PRDM6: variants seen among roughly 807,000 people sequenced by gnomAD.
PRDM6 encodes the protein putative histone-lysine N-methyltransferase PRDM6.
A neutral mutation model predicts 60.8 loss-of-function variants in PRDM6; 25 were observed. The observed-to-expected ratio is 0.41, with a 90% confidence interval of 0.30 to 0.57. The LOEUF (loss-of-function observed/expected upper bound fraction) is 0.57. Ranked by LOEUF, PRDM6 falls within the 20% of genes least tolerant of loss-of-function variation. The pLI, the probability that PRDM6 is intolerant of heterozygous loss-of-function variation, is 0.27. For missense variants in PRDM6, 839 were observed against 821.3 expected (o/e 1.02, Z -0.26); for synonymous variants, 407 against 357.4 (o/e 1.14, Z -1.57).
intron 6 of PRDM6, among the ~76,000 whole-genome samples, chr5:123,178,004 G>A (rs1766055638): frequency 6.6e-6 from 1 of 152,042 alleles, no homozygotes; most frequent in Non-Finnish European, 1.5e-5. Flanking sequence ...CCAGTGCCAG[G>A]CAAAGGTGAT....
At chr5:123,127,517 T>G (rs1420329439) in intron 3 of PRDM6, among the ~76,000 whole-genome samples, 1 of 152,192 alleles carries the variant, frequency 6.6e-6, no homozygotes. Context: ...ACTACTTTTT[T>G]GGGGTTGAAA....
intron 3 of PRDM6, among the ~76,000 whole-genome samples, chr5:123,152,536 G>A (rs1765392356): frequency 6.6e-6 from 1 of 152,164 alleles, no homozygotes. Flanking sequence ...TTTGCTCAGA[G>A]CCACCAATAC....
chr5:123,147,185 A>G (rs1292335670), intron 3 of PRDM6, among the ~76,000 whole-genome samples: 2 of 152,174 alleles, frequency 1.3e-5, no homozygotes. Context: ...AATTAAAGAT[A>G]GATTTTTAAA....
chr5:123,158,603 A>G (rs1765558928), intron 4 of PRDM6, among the ~76,000 whole-genome samples: 1 of 152,198 alleles, frequency 6.6e-6, no homozygotes, highest in Non-Finnish European at 1.5e-5. Context: ...GTGACAAAAT[A>G]TGTTGACAAG....
Position 123,187,351 on chromosome 5 carries a change from T to C in PRDM6, c.*150T>C, listed in dbSNP as rs1580548649. On this transcript the variant is annotated 3_prime_UTR_variant, in exon 8 of 8. Coordinates refer to ENST00000407847, the MANE Select transcript of PRDM6 (RefSeq NM_001136239.4). ...AAAATAAGTAAGATGTTAAGAGATA[T>C]TGATCCTGGCATGGAAGTCAGACCA... is the stretch of plus-strand genomic sequence containing the variant. The C allele has an allele frequency of 2.7e-5, 15 of 557,560 alleles. No homozygotes were observed. In the East Asian group the frequency reaches 3.6e-4, roughly 13 times the overall value. 34.5% of individuals were successfully genotyped at this position (557,560 alleles called of 1,614,324 possible).
chr5:123,138,993 A>G (rs1765036019), intron 3 of PRDM6, among the ~76,000 whole-genome samples: 1 of 152,162 alleles, frequency 6.6e-6, no homozygotes, highest in South Asian at 2.1e-4. Context: ...TTCTCCTGAT[A>G]GTGAGTTCTC....
At chr5:123,187,001 C>A in intron 7 of PRDM6, 86 bp from the exon 8 acceptor site, 1 of 986,592 alleles carries the variant, frequency 1.0e-6, no homozygotes, top group Non-Finnish European at 1.6e-6. Flanking sequence ...TTTGGAGTGT[C>A]TGTTCTGATT....
intron 3 of PRDM6, among the ~76,000 whole-genome samples, chr5:123,101,289 G>T (rs1245847577): frequency 6.6e-6 from 1 of 152,142 alleles, no homozygotes; most frequent in Non-Finnish European, 1.5e-5. Context: ...TGTCTGCAAA[G>T]CCTCTTTTGA....
intron 3 of PRDM6, among the ~76,000 whole-genome samples, chr5:123,143,467 G>A (rs1458472562): frequency 3.3e-5 from 5 of 152,076 alleles, no homozygotes; most frequent in African/African-American, 9.7e-5. Context: ...TTTTCTTTGG[G>A]GTCTGATGTG....
intron 3 of PRDM6, among the ~76,000 whole-genome samples, chr5:123,146,879 C>A (rs1259462540): frequency 6.6e-6 from 1 of 152,134 alleles, no homozygotes; most frequent in Non-Finnish European, 1.5e-5. Context: ...ATGAAAGCTG[C>A]CCTTTGTTTA....
chr5:123,120,709 A>G (rs1764561393), intron 3 of PRDM6, among the ~76,000 whole-genome samples: 1 of 152,206 alleles, frequency 6.6e-6, no homozygotes, highest in African/African-American at 2.4e-5. Flanking sequence ...GCCCTAGTGT[A>G]ATTTGTATTC....
chr5:123,097,094 G>A (rs2150206600), intron 2 of PRDM6, among the ~76,000 whole-genome samples: 1 of 152,258 alleles, frequency 6.6e-6, no homozygotes, highest in Non-Finnish European at 1.5e-5. Flanking sequence ...TGGGCATATT[G>A]CCTTTGCTTA....
intron 3 of PRDM6, among the ~76,000 whole-genome samples, chr5:123,139,933 T>A (rs1161796165): frequency 6.6e-6 from 1 of 152,114 alleles, no homozygotes; most frequent in African/African-American, 2.4e-5. Flanking sequence ...TTGATATAAA[T>A]GTTTTTATGA....
chr5:123,173,676 T>C (rs1765947051), intron 6 of PRDM6, among the ~76,000 whole-genome samples: 1 of 152,258 alleles, frequency 6.6e-6, no homozygotes, highest in Non-Finnish European at 1.5e-5. Flanking sequence ...CAATGTTTCT[T>C]AGTAATGATG....
At chr5:123,127,365 T>C (rs759335723) in intron 3 of PRDM6, among the ~76,000 whole-genome samples, 1 of 152,174 alleles carries the variant, frequency 6.6e-6, no homozygotes, top group Admixed American at 6.5e-5. Context: ...TTACTCCTAT[T>C]TACTGGAAGC....
intron 3 of PRDM6, among the ~76,000 whole-genome samples, chr5:123,106,218 G>A (rs1764194522): frequency 6.6e-6 from 1 of 152,226 alleles, no homozygotes; most frequent in South Asian, 2.1e-4. Flanking sequence ...TAACTGAGAA[G>A]AGCAATCTAT....
At chr5:123,112,216 G>A (rs1764330214) in intron 3 of PRDM6, among the ~76,000 whole-genome samples, 1 of 151,802 alleles carries the variant, frequency 6.6e-6, no homozygotes, top group African/African-American at 2.4e-5. Context: ...CTGGGTTCTA[G>A]CTCTCACTGG....
chr5:123,155,736 G>A (rs762780570), intron 3 of PRDM6, 148 bp from the exon 4 acceptor site: 91 of 780,734 alleles, frequency 1.2e-4, no homozygotes, highest in Admixed American at 2.9e-4. Context: ...CTGTTATTCC[G>A]GTTGAGTTGT....
rs530986001 is a variant in PRDM6 at position 123,190,805 on chromosome 5, A to T, written c.*3604A>T. ...GACCCCATTTTATGTGTTCACCATA[A>T]GCAGCATTATTTAAGTGACTATTCA... On this transcript the variant is annotated 3_prime_UTR_variant, in exon 8 of 8. Transcript: ENST00000407847. 6.6e-6 allele frequency: 1 copy of T among 152,300 alleles called. No individual in the cohort carries two copies. Among genetic ancestry groups the T allele is most frequent in the South Asian group, 2.1e-4 (1 of 4,822 alleles). 9.4% of individuals were successfully genotyped at this position (152,300 alleles called of 1,614,324 possible). A position where few individuals can be genotyped will look rare whatever the true frequency, so the allele number is the denominator to read the frequency against.
Sources: allele counts gnomAD v4.1 joint callset (sites outside exome capture counted in the v4.1 genomes callset), GRCh38; gene constraint gnomAD v4.1.1; transcripts MANE v1.5; gene names NCBI Gene and HGNC (gene_info 2026-07-23, HGNC 2026-07-21).